The following AFAP1L2 variants were observed in gnomAD, a reference collection of about 807,000 sequenced individuals.
The protein encoded by AFAP1L2 is actin filament associated protein 1 like 2, also known as actin filament-associated protein 1-like 2.
AFAP1L2 carries 46 observed loss-of-function variants against 99.3 expected under a neutral mutation model. That is an observed-to-expected ratio of 0.46 (90% CI 0.37 to 0.59). The LOEUF (loss-of-function observed/expected upper bound fraction) is 0.59, where lower values mean the gene tolerates loss of function less well. Among genes scored for constraint, AFAP1L2 ranks in the 20% least tolerant of loss-of-function variants. The pLI is 0.00. For synonymous variants in AFAP1L2, 397 were observed against 419.1 expected, an observed-to-expected ratio of 0.95 and a Z score of 0.64; for missense variants, 959 against 1,034.9, an observed-to-expected ratio of 0.93 and a Z score of 1.01.
At position 114,315,705 on chromosome 10, in the gene AFAP1L2, C is replaced by T; in HGVS notation, c.467G>A (p.Gly156Asp). ...GGGCCACTGGTAAGGGGCCGACTTG[C>T]CCTTGCTGCCGTCCTCTTCATCGTA... ...ESYDEEDGSKGKSAPYQWPSP... is the reference protein window; with the variant it reads ...ESYDEEDGSKDKSAPYQWPSP... Residue 156 changes from glycine to aspartate, a missense_variant, in exon 6 of 19, where the codon GGC becomes GAC. Physicochemically the swap from Gly to Asp is moderately conservative, Grantham distance 94. Coordinates refer to ENST00000304129, the MANE Select transcript of AFAP1L2 (RefSeq NM_001001936.3). The T allele has an allele frequency of 6.2e-7, 1 of 1,613,580 alleles. No individual in the cohort carries two copies. The highest frequency in any genetic ancestry group is 8.5e-7 in the Non-Finnish European group (1 of 1,179,946).
intron 1 of AFAP1L2, among the ~76,000 whole-genome samples, chr10:114,403,640 G>A (rs570539433): frequency 2.0e-5 from 3 of 152,294 alleles, no homozygotes; most frequent in Non-Finnish European, 4.4e-5. Flanking sequence ...AACCGCAATC[G>A]AGACTTGTAG....
At chr10:114,286,236 G>C in the AFAP1L2 span, 2 of 1,613,182 alleles carry the variant, frequency 1.2e-6, no homozygotes, top group Non-Finnish European at 1.7e-6. Flanking sequence ...GCGGCAGAGC[G>C]TGGCTTCGGG....
chr10:114,394,299 T>C (rs1322741253), intron 1 of AFAP1L2, among the ~76,000 whole-genome samples: 2 of 152,120 alleles, frequency 1.3e-5, no homozygotes, highest in African/African-American at 4.8e-5. Context: ...GGCCTGCACT[T>C]CTAGGAGGGA....
intron 1 of AFAP1L2, among the ~76,000 whole-genome samples, chr10:114,345,199 T>G (rs2049356963): frequency 8.3e-6 from 1 of 120,530 alleles, no homozygotes. Flanking sequence ...GCTCTGTGTA[T>G]CGGGGGAACA....
At chr10:114,308,368 G>A in intron 9 of AFAP1L2, 65 bp downstream of exon 9, 1 of 1,450,808 alleles carries the variant, frequency 6.9e-7, no homozygotes, top group Non-Finnish European at 9.7e-7. Flanking sequence ...ACCCATCAGG[G>A]TTGAGCCTGA....
chr10:114,329,448 C>T (rs1301674727), intron 4 of AFAP1L2, among the ~76,000 whole-genome samples: 2 of 152,226 alleles, frequency 1.3e-5, no homozygotes, highest in African/African-American at 4.8e-5. Flanking sequence ...CCCCTACCCA[C>T]CAGGTGGGGA....
At chr10:114,361,069 CAGGAG>C (rs1466038910) in intron 1 of AFAP1L2, among the ~76,000 whole-genome samples, 1 of 152,094 alleles carries the variant, frequency 6.6e-6, no homozygotes, top group Non-Finnish European at 1.5e-5. Context: ...TATCGGCAGA[CAGGAG>C]AAGAGAACTT....
chr10:114,287,885 C>T, the AFAP1L2 span, among the ~76,000 whole-genome samples: 1 of 152,034 alleles, frequency 6.6e-6, no homozygotes, highest in Non-Finnish European at 1.5e-5. Flanking sequence ...TTAGTTTTTA[C>T]CTAATGTCTT....
rs147618767 is a variant in AFAP1L2, at chr10:114,337,373, T to C, written c.145+3230A>G. On this transcript the variant is annotated intron_variant, in intron 2 of 18. Coordinates refer to ENST00000304129, the MANE Select transcript of AFAP1L2 (RefSeq NM_001001936.3). ...AGGGACACAGAAAGTACACAATAAA[T>C]GTTGGCTGCTATTGTACCTACTCTG... Among the ~76,000 whole-genome samples, 77 of 152,354 alleles carry C rather than the reference T, an allele frequency of 5.1e-4. 1 individual carries two copies. The East Asian group carries it at 0.012, about 24-fold the overall frequency.
At chr10:114,306,523 A>G (rs1228283642) in intron 10 of AFAP1L2, among the ~76,000 whole-genome samples, 1 of 152,020 alleles carries the variant, frequency 6.6e-6, no homozygotes, top group Non-Finnish European at 1.5e-5. Context: ...TGAACCAGGC[A>G]ATAGCGTGAA....
In AFAP1L2 at chr10:114,333,252, G is replaced by T; in HGVS notation, c.189C>A (p.Asn63Lys). ...EYIYMNKVTI[N>K]KQQNAESQGK... ...CTTGAGACTCTGCATTCTGTTGCTT[G>T]TTGATGGTCACTTTGTTCATATAAA... is the stretch of plus-strand genomic sequence containing the variant. The change falls in exon 3 of 19, where the codon AAC (asparagine) becomes AAA (lysine). Residue 63 changes from asparagine to lysine, a missense_variant. Coordinates refer to ENST00000304129, the MANE Select transcript of AFAP1L2 (RefSeq NM_001001936.3). 1 of 1,613,994 alleles carries T rather than the reference G, an allele frequency of 6.2e-7. No individual in the cohort carries two copies. Among genetic ancestry groups the T allele is most frequent in the Non-Finnish European group, 8.5e-7 (1 of 1,179,994 alleles).
the AFAP1L2 span, chr10:114,289,315 G>A: frequency 7.5e-5 from 121 of 1,614,080 alleles, no homozygotes; most frequent in Non-Finnish European, 9.5e-5. Context: ...GGATGCAGCC[G>A]TTCCTGCCCA....
chr10:114,404,424 G>A lies in AFAP1L2; in HGVS notation c.16+16C>T. ...AGGGAGTGGGTGTGCGCCGCGCGAG[G>A]AACCCGCGCCCTCACCTTTGTACCG... is the stretch of plus-strand genomic sequence containing the variant. On this transcript the variant is annotated intron_variant, in intron 1 of 18. Transcript: ENST00000304129. 1 of 1,542,318 alleles carries A rather than the reference G, an allele frequency of 6.5e-7. No individual in the cohort carries two copies. The highest frequency in any genetic ancestry group is 8.7e-7 in the Non-Finnish European group (1 of 1,145,626).
chr10:114,355,673 C>T (rs533527987), intron 1 of AFAP1L2, among the ~76,000 whole-genome samples: 2 of 152,188 alleles, frequency 1.3e-5, no homozygotes, highest in Non-Finnish European at 1.5e-5. Context: ...CATACTCTAT[C>T]AAAAAATTTC....
intron 7 of AFAP1L2, 54 bp downstream of exon 7, chr10:114,313,817 A>C: frequency 6.6e-7 from 1 of 1,518,554 alleles, no homozygotes; most frequent in African/African-American, 1.4e-5. Context: ...CCTTTAGAAA[A>C]GCTGGGGGCC....
downstream of AFAP1L2, among the ~76,000 whole-genome samples, chr10:114,290,618 C>T (rs2039488272): frequency 6.6e-6 from 1 of 152,124 alleles, no homozygotes; most frequent in African/African-American, 2.4e-5. Context: ...GGAAGACAGA[C>T]AATAAGCAAA....
rs540786526 is a variant in AFAP1L2 at position 114,346,810 on chromosome 10, C to T, written c.17-6079G>A. On this transcript the variant is annotated intron_variant, in intron 1 of 18. Coordinates refer to ENST00000304129, the MANE Select transcript of AFAP1L2 (RefSeq NM_001001936.3). ...AGTTTCTTGTTTGAGACTTCCAAGG[C>T]CCACGCAGGGCTGGGCGGTTCAACT... Among the ~76,000 whole-genome samples the T allele has an allele frequency of 1.1e-4, 16 of 152,278 alleles. No individual in the cohort carries two copies. In the East Asian group the frequency reaches 3.1e-3, roughly 29 times the overall value.
chr10:114,346,583 A>G lies in AFAP1L2; in HGVS notation c.17-5852T>C, dbSNP rs1193742065. Among the ~76,000 whole-genome samples the G allele has an allele frequency of 2.0e-5, 3 of 152,140 alleles. No individual in the cohort carries two copies. In the South Asian group the frequency reaches 6.2e-4, roughly 32 times the overall value. On this transcript the variant is annotated intron_variant, in intron 1 of 18. Coordinates refer to ENST00000304129, the MANE Select transcript of AFAP1L2 (RefSeq NM_001001936.3). ...GGGCATCCCTTAGAGGAATGTGGCT[A>G]TTGCCCTGAGGCCCTGGAACTCGCT...
chr10:114,404,415 C>T, intron 1 of AFAP1L2, 25 bp downstream of exon 1: 1 of 1,539,920 alleles, frequency 6.5e-7, no homozygotes, highest in Non-Finnish European at 8.7e-7. Context: ...TGGGTGTGCG[C>T]CGCGCGAGGA....
Sources: allele counts gnomAD v4.1 joint callset (sites outside exome capture counted in the v4.1 genomes callset), GRCh38; gene constraint gnomAD v4.1.1; transcripts MANE v1.5; gene names NCBI Gene and HGNC (gene_info 2026-07-23, HGNC 2026-07-21).